FEZF1: variants seen among roughly 807,000 people sequenced by gnomAD.
The protein encoded by FEZF1 is FEZ family zinc finger 1.
FEZF1 carries 8 observed loss-of-function variants against 32.4 expected under a neutral mutation model. That is an observed-to-expected ratio of 0.25 (90% CI 0.15 to 0.45). The LOEUF is 0.45. Among genes scored for constraint, FEZF1 ranks in the 20% least tolerant of loss-of-function variants. The pLI is 1.00. For missense variants in FEZF1, 546 were observed against 622.3 expected (o/e 0.88, Z 1.31); for synonymous variants, 259 against 265.2 (o/e 0.98, Z 0.23).
chr7:122,309,160 CAT>C (rs1325742987), upstream of FEZF1, among the ~76,000 whole-genome samples: 1 of 152,148 alleles, frequency 6.6e-6, no homozygotes, highest in Non-Finnish European at 1.5e-5. Context: ...CGTTAGCAAA[CAT>C]ATTGGCAACA....
In FEZF1 at chr7:122,304,545, G is replaced by A; in HGVS notation, c.-108C>T. On this transcript the variant is annotated 5_prime_UTR_variant, in exon 1 of 4. Coordinates refer to ENST00000442488, the MANE Select transcript of FEZF1 (RefSeq NM_001024613.4). ...AGGGGGACGGGCACCATCACCACCAGTAGCCTCCTCCTCCTCCTCCTCCCC... is the reference window on the plus strand; with the variant it reads ...AGGGGGACGGGCACCATCACCACCAATAGCCTCCTCCTCCTCCTCCTCCCC... 1.1e-6 allele frequency: 1 copy of A among 897,924 alleles called. No individual in the cohort carries two copies. The highest frequency in any genetic ancestry group is 1.7e-5 in the African/African-American group (1 of 59,892). The allele number at this position is 897,924 out of a possible 1,614,324, so 55.6% of individuals were successfully genotyped here.
intron 1 of FEZF1, 109 bp downstream of exon 1, chr7:122,303,528 A>AGGAAGGAGGGAG: frequency 1.2e-5 from 4 of 338,452 alleles, no homozygotes; most frequent in Admixed American, 8.8e-5. Flanking sequence ...GAAGGAAGGA[A>AGGAAGGAGGGAG]GGAAGGAAGG....
Position 122,302,009 on chromosome 7 carries a change from C to A in FEZF1, c.1416G>T (p.Gln472His). The A allele has an allele frequency of 4.4e-6, 7 of 1,592,508 alleles. No individual in the cohort carries two copies. The highest frequency in any genetic ancestry group is 5.9e-6 in the Non-Finnish European group (7 of 1,177,136). Residue 472 changes from glutamine (Q) to histidine (H), a missense_variant, in exon 4 of 4, where the codon CAG becomes CAT. Physicochemically the swap from Gln to His is conservative, Grantham distance 24. Transcript: ENST00000442488. The surrounding 1 kb of genome is among the most constrained non-coding windows in gnomAD (Gnocchi z 4.4). ...TPGPLQPGLH[Q>H]GHQ The stretch of plus-strand genomic sequence containing the variant: ...CCCTTAGCCTCGATCACTGGTGGCC[C>A]TGGTGGAGCCCGGGCTGCAGGGGCC...
chr7:122,303,964 G>T lies in FEZF1; in HGVS notation c.474C>A (p.Gly158=). The T allele has an allele frequency of 6.3e-7, 1 of 1,595,350 alleles. No individual in the cohort carries two copies. The highest frequency in any genetic ancestry group is 8.5e-7 in the Non-Finnish European group (1 of 1,170,628). Residue 158 remains glycine (G), a synonymous_variant, in exon 1 of 4, where the codon GGC becomes GGA. Coordinates refer to ENST00000442488, the MANE Select transcript of FEZF1 (RefSeq NM_001024613.4). ...CACCTCGGTTCAGGTAGCACAAGGCGCCCATGGCGTGGAATGAAGAGTGGT... is the reference window on the plus strand; with the variant it reads ...CACCTCGGTTCAGGTAGCACAAGGCTCCCATGGCGTGGAATGAAGAGTGGT... ...VVNHSSFHAM[G]ALCYLNRGDG...
Position 122,302,121 on chromosome 7 carries a change from C to T in FEZF1, c.1304G>A (p.Gly435Asp). ...SSLGLARTPA[G>D]EPGTEPPPPL... ...GGGCGGCGGTTCAGTGCCTGGTTCGCCAGCTGGCGTGCGGGCCAGCCCCAG... is the reference window on the plus strand; with the variant it reads ...GGGCGGCGGTTCAGTGCCTGGTTCGTCAGCTGGCGTGCGGGCCAGCCCCAG... The change falls in exon 4 of 4, where the codon GGC (glycine) becomes GAC (aspartate). Residue 435 changes from glycine (G) to aspartate (D), a missense_variant. This residue lies in a region of FEZF1 where 83 missense variants were observed against 73.0 expected (regional missense o/e 1.14). Transcript: ENST00000442488. This position sits in a 1 kb window ranked among gnomAD's most constrained non-coding sequence, Gnocchi z 4.4. 1.2e-6 allele frequency: 2 copies of T among 1,613,824 alleles called. No individual in the cohort carries two copies. Among genetic ancestry groups the T allele is most frequent in the East Asian group, 2.2e-5 (1 of 44,876 alleles).
exon 1 of FEZF1, chr7:122,310,318 T>G (rs531593531): frequency 1.3e-5 from 2 of 152,308 alleles, no homozygotes; most frequent in Admixed American, 1.3e-4. Flanking sequence ...GGAACCAAGT[T>G]CCCGCTGCTG....
chr7:122,306,980 T>TTAA (rs2031300396), upstream of FEZF1: 2 of 152,348 alleles, frequency 1.3e-5, no homozygotes, highest in Non-Finnish European at 2.9e-5. Context: ...TCTTTCCTTT[T>TTAA]GCTGGGGCCA....
At chr7:122,305,633 A>G (rs1348910837), upstream of FEZF1, 1 of 152,196 alleles carries the variant, frequency 6.6e-6, no homozygotes, top group Non-Finnish European at 1.5e-5. Context: ...TTTCTTTCTT[A>G]AGTACCTGCG....
chr7:122,303,416 G>C (rs1348644916), intron 1 of FEZF1, 105 bp from the exon 2 acceptor site: 2 of 1,378,148 alleles, frequency 1.5e-6, no homozygotes, highest in Non-Finnish European at 2.0e-6. Flanking sequence ...AAAAGTGTAT[G>C]CAAATAATTA....
At position 122,301,756 on chromosome 7, in the gene FEZF1, CA is replaced by C. The variant is rs375261549; in HGVS notation, c.*240del. 9.4e-6 allele frequency: 4 copies of C among 424,494 alleles called. No individual in the cohort carries two copies. The highest frequency in any genetic ancestry group is 4.1e-5 in the African/African-American group (2 of 48,692). 26.3% of individuals were successfully genotyped at this position (424,494 alleles called of 1,614,324 possible). Reference sequence around the variant, plus strand: ...AAAAAAGAAAAAGAAAAACAGAAAACAAGCAAAACCCTCCAAATTTTTCATA... The same window carrying C: ...AAAAAAGAAAAAGAAAAACAGAAAACAGCAAAACCCTCCAAATTTTTCATA... On this transcript the variant is annotated 3_prime_UTR_variant, in exon 4 of 4. Coordinates refer to ENST00000442488, the MANE Select transcript of FEZF1 (RefSeq NM_001024613.4).
At position 122,304,396 on chromosome 7, in the gene FEZF1, C is replaced by T; in HGVS notation, c.42G>A (p.Ala14=). 1 of 1,584,020 alleles carries T rather than the reference C, an allele frequency of 6.3e-7. No homozygotes were observed. Among genetic ancestry groups the T allele is most frequent in the Non-Finnish European group, 8.6e-7 (1 of 1,162,012 alleles). Residue 14 remains alanine (A), a synonymous_variant, in exon 1 of 4, where the codon GCG becomes GCA. Coordinates refer to ENST00000442488, the MANE Select transcript of FEZF1 (RefSeq NM_001024613.4). ...SCHNATTKML[A]TAPARGNMMS... The stretch of plus-strand genomic sequence containing the variant: ...TCATGTTGCCCCGAGCTGGAGCAGT[C>T]GCTAACATTTTGGTAGTCGCGTTGT...
At chr7:122,303,477 GGAAGGAAGGAA>G (rs2031120217) in intron 1 of FEZF1, among the ~76,000 whole-genome samples, 149 bp downstream of exon 1, 3 of 15,440 alleles carry the variant, frequency 1.9e-4, no homozygotes, top group African/African-American at 6.7e-4. Flanking sequence ...AGGGAGGGAA[GGAAGGAAGGAA>G]GGAAGGAAGG....
At position 122,304,028 on chromosome 7, in the gene FEZF1, G is replaced by A; in HGVS notation, c.410C>T (p.Pro137Leu). 1 of 1,561,346 alleles carries A rather than the reference G, an allele frequency of 6.4e-7. No homozygotes were observed. The highest frequency in any genetic ancestry group is 8.7e-7 in the Non-Finnish European group (1 of 1,154,616). The change falls in exon 1 of 4, where the codon CCG becomes CTG. Residue 137 changes from proline (P) to leucine (L), a missense_variant. Around this residue, in one of 3 missense-constraint regions of FEZF1, gnomAD observed 345 missense variants for 360.6 expected, o/e 0.96. Transcript: ENST00000442488. ...CCTTACCAGCTTGTACTGCTGCAGC[G>A]GCAGCGCGTCGCGGGCCAGGTCGCC... The part of the protein sequence containing the change: ...LKGDLARDAL[P>L]LQQYKLVRPR...
upstream of FEZF1, chr7:122,307,127 C>G (rs2031305445): frequency 1.3e-5 from 2 of 152,250 alleles, no homozygotes; most frequent in Admixed American, 6.6e-5. Flanking sequence ...CTGTTGGGGC[C>G]GCAGAACCAG....
In FEZF1 at chr7:122,301,590, C is replaced by A. The variant is rs1214091036; in HGVS notation, c.*407G>T. 2 of 163,192 alleles carry A rather than the reference C, an allele frequency of 1.2e-5. No homozygotes were observed. Among genetic ancestry groups the A allele is most frequent in the Non-Finnish European group, 2.6e-5 (2 of 76,284 alleles). The allele number at this position is 163,192 out of a possible 1,614,324, so 10.1% of individuals were successfully genotyped here. A position where few individuals can be genotyped will look rare whatever the true frequency, so the allele number is the denominator to read the frequency against. On this transcript the variant is annotated 3_prime_UTR_variant, in exon 4 of 4. Transcript: ENST00000442488. ...AGAATCAACACAATGGAAATATATA[C>A]AATAATAAAATTAAAATGATGCAGC... is the stretch of plus-strand genomic sequence containing the variant.
chr7:122,306,456 A>C (rs1485243941), upstream of FEZF1: 1 of 152,212 alleles, frequency 6.6e-6, no homozygotes, highest in Non-Finnish European at 1.5e-5. Context: ...TGGACCTTAA[A>C]CGAAGGAAAT....
At position 122,304,218 on chromosome 7, in the gene FEZF1, T is replaced by C. The variant is rs147660574; in HGVS notation, c.220A>G (p.Met74Val). 1.4e-5 allele frequency: 23 copies of C among 1,596,354 alleles called. No individual in the cohort carries two copies. Among genetic ancestry groups the C allele is most frequent in the Non-Finnish European group, 1.8e-5 (21 of 1,169,050 alleles). Residue 74 changes from methionine (M) to valine (V), a missense_variant, in exon 1 of 4, where the codon ATG (methionine) becomes GTG (valine). By Grantham distance (21) the Met-to-Val change is conservative. Around this residue, in one of 3 missense-constraint regions of FEZF1, gnomAD observed 345 missense variants for 360.6 expected, o/e 0.96. Coordinates refer to ENST00000442488, the MANE Select transcript of FEZF1 (RefSeq NM_001024613.4). The part of the protein sequence containing the change: ...SLHLNSSIPC[M>V]IPFVPVAYDT... The stretch of plus-strand genomic sequence containing the variant: ...TAGGCCACAGGCACGAAGGGGATCA[T>C]GCAGGGGATCGACGAGTTGAGATGC...
At chr7:122,303,504 AGG>A (rs2031123065) in intron 1 of FEZF1, 131 bp downstream of exon 1, 1 of 490,812 alleles carries the variant, frequency 2.0e-6, no homozygotes, top group African/African-American at 2.6e-5. Context: ...GAAGGAAGGA[AGG>A]AAGGAAGGAA....
chr7:122,303,460 A>C (rs1471904612), intron 1 of FEZF1, 149 bp from the exon 2 acceptor site: 1 of 1,013,674 alleles, frequency 9.9e-7, no homozygotes, highest in Non-Finnish European at 1.4e-6. Flanking sequence ...GAAGGAAAGG[A>C]GGAGCGAGGG....
Sources: gnomAD v4.1 joint callset for allele counts (sites outside exome capture counted in the v4.1 genomes callset) on GRCh38, gnomAD v4.1.1 for gene constraint, gnomAD v4.1.1 regional missense constraint, Gnocchi (gnomAD v3.1) non-coding constraint, MANE v1.5 for transcripts, NCBI Gene and HGNC (gene_info 2026-07-23, HGNC 2026-07-21) for gene names.